ABTB3: variants seen among roughly 807,000 people sequenced by gnomAD.
ABTB3 encodes ankyrin repeat- and BTB/POZ domain-containing protein 3.
the ABTB3 span, among the ~76,000 whole-genome samples, chr12:107,469,806 G>T: frequency 6.6e-6 from 1 of 152,056 alleles, no homozygotes; most frequent in Non-Finnish European, 1.5e-5. Flanking sequence ...AACTTCAAAT[G>T]GCAGTGATGA....
chr12:107,415,685 G>A, the ABTB3 span, among the ~76,000 whole-genome samples: 5 of 149,718 alleles, frequency 3.3e-5, no homozygotes, highest in Admixed American at 3.4e-4. Context: ...TCCAGCCTGG[G>A]TGACAGAGCG....
chr12:107,442,287 C>T, the ABTB3 span, among the ~76,000 whole-genome samples: 1 of 152,016 alleles, frequency 6.6e-6, no homozygotes, highest in Non-Finnish European at 1.5e-5. Flanking sequence ...CAGAGTAATT[C>T]GGGTCCTATT....
the ABTB3 span, among the ~76,000 whole-genome samples, chr12:107,326,448 C>A: frequency 6.6e-6 from 1 of 152,168 alleles, no homozygotes; most frequent in Admixed American, 6.5e-5. Flanking sequence ...TGTGGAGGAG[C>A]TTAAGAAAGG....
chr12:107,515,644 C>A, the ABTB3 span, among the ~76,000 whole-genome samples: 1 of 152,166 alleles, frequency 6.6e-6, no homozygotes, highest in Non-Finnish European at 1.5e-5. Context: ...GTGGGCAAAC[C>A]AGAGGAAGTA....
chr12:107,375,934 G>T, the ABTB3 span, among the ~76,000 whole-genome samples: 2 of 152,120 alleles, frequency 1.3e-5, no homozygotes, highest in Non-Finnish European at 2.9e-5. Context: ...GCCTAGCCTG[G>T]GCTGCTTTTC....
chr12:107,330,598 T>C, the ABTB3 span, among the ~76,000 whole-genome samples: 1 of 152,202 alleles, frequency 6.6e-6, no homozygotes, highest in Admixed American at 6.5e-5. Flanking sequence ...CAGAGTGGGC[T>C]ACTGTCTTGT....
chr12:107,609,560 T>G, the ABTB3 span, among the ~76,000 whole-genome samples: 2 of 152,212 alleles, frequency 1.3e-5, no homozygotes, highest in South Asian at 4.1e-4. Flanking sequence ...CTGTGTTCAT[T>G]CAGCTCCCAT....
chr12:107,339,914 T>G, the ABTB3 span, among the ~76,000 whole-genome samples: 10 of 152,280 alleles, frequency 6.6e-5, no homozygotes, highest in Non-Finnish European at 1.5e-4. Context: ...TTTATATTCC[T>G]GGCTAGAAAA....
chr12:107,326,707 T>A, the ABTB3 span, among the ~76,000 whole-genome samples: 2 of 152,172 alleles, frequency 1.3e-5, no homozygotes, highest in Non-Finnish European at 2.9e-5. Flanking sequence ...CAGGGACCCA[T>A]GAGGCAAAAC....
chr12:107,318,719 C>G, the ABTB3 span: 7 of 513,654 alleles, frequency 1.4e-5, no homozygotes, highest in East Asian at 1.6e-4. Flanking sequence ...CGCCCAGCTC[C>G]GGCCCGGACT....
At chr12:107,566,874 G>A in the ABTB3 span, among the ~76,000 whole-genome samples, 6 of 152,206 alleles carry the variant, frequency 3.9e-5, no homozygotes, top group South Asian at 2.1e-4. Context: ...ACACTTTGTG[G>A]GGCCAAGATA....
chr12:107,646,541 C>T, the ABTB3 span, among the ~76,000 whole-genome samples: 2 of 152,140 alleles, frequency 1.3e-5, no homozygotes, highest in African/African-American at 4.8e-5. Context: ...GCTTATGACC[C>T]ATCAGGGTGG....
At chr12:107,556,428 TCA>T in the ABTB3 span, among the ~76,000 whole-genome samples, 3 of 152,074 alleles carry the variant, frequency 2.0e-5, no homozygotes, top group African/African-American at 7.2e-5. Context: ...ATCTTCAGGC[TCA>T]GAGAGGTTAT....
the ABTB3 span, among the ~76,000 whole-genome samples, chr12:107,608,806 G>A: frequency 6.6e-6 from 1 of 151,486 alleles, no homozygotes; most frequent in African/African-American, 2.4e-5. Flanking sequence ...AGGAGTCTGA[G>A]GCTGCAGTGA....
chr12:107,589,946 A>G, the ABTB3 span, among the ~76,000 whole-genome samples: 3 of 152,144 alleles, frequency 2.0e-5, no homozygotes, highest in Non-Finnish European at 2.9e-5. Flanking sequence ...GTCTCACTCT[A>G]TCACCCAGGC....
At chr12:107,508,043 A>G in the ABTB3 span, among the ~76,000 whole-genome samples, 3 of 151,768 alleles carry the variant, frequency 2.0e-5, no homozygotes, top group African/African-American at 4.9e-5. Flanking sequence ...CATTATATTG[A>G]GTAGATTGAT....
At chr12:107,475,541 A>G in the ABTB3 span, among the ~76,000 whole-genome samples, 1,452 of 152,250 alleles carry the variant, frequency 9.5e-3, 39 homozygotes, top group African/African-American at 0.033. Flanking sequence ...CTCACAGAGG[A>G]GTCCTTGTAG....
chr12:107,476,689 A>G, the ABTB3 span, among the ~76,000 whole-genome samples: 3 of 151,894 alleles, frequency 2.0e-5, no homozygotes, highest in Non-Finnish European at 4.4e-5. Context: ...TGGAGTCTCC[A>G]TGGAAATTAG....
At chr12:107,581,077 G>C in the ABTB3 span, 1 of 1,545,756 alleles carries the variant, frequency 6.5e-7, no homozygotes, top group South Asian at 1.2e-5. Context: ...GCGAGCAGGG[G>C]GTGGGGCCAA....
Sources: allele counts gnomAD v4.1 joint callset (sites outside exome capture counted in the v4.1 genomes callset), GRCh38; gene constraint gnomAD v4.1.1; transcripts MANE v1.5; gene names NCBI Gene and HGNC (gene_info 2026-07-23, HGNC 2026-07-21).